The following PTPRD variants were observed in gnomAD, a reference collection of about 807,000 sequenced individuals.
The protein encoded by PTPRD is receptor-type tyrosine-protein phosphatase delta.
In PTPRD, 34 loss-of-function variants were observed where a neutral mutation model predicts 214.5. The ratio of observed to expected loss-of-function variants is 0.16; its 90% CI spans 0.12 to 0.21. The LOEUF (loss-of-function observed/expected upper bound fraction) is 0.21, where lower values mean the gene tolerates loss of function less well. Among genes scored for constraint, PTPRD ranks in the 10% least tolerant of loss-of-function variants. PTPRD has a pLI of 1.00. For missense variants in PTPRD, 2,545 were observed against 2,398.7 expected, an observed-to-expected ratio of 1.06 and a Z score of -1.27; for synonymous variants, 1,128 against 845.7, an observed-to-expected ratio of 1.33 and a Z score of -5.79.
At chr9:8,435,525 T>G (rs2890794) in intron 35 of PTPRD, among the ~76,000 whole-genome samples, 113,919 of 152,038 alleles carry the variant, frequency 0.75, 43,170 homozygotes, top group East Asian at 0.85. Flanking sequence ...TTGGTATATC[T>G]ACAAGATTTT....
chr9:9,234,429 C>T lies in PTPRD; in HGVS notation c.-202-51066G>A, dbSNP rs540842498. Reference sequence around the variant, plus strand: ...CAGGGACTGCTGTGAAGGTCTTTAACATGCCCTGGAGACATTTTCCCCATT... The same window carrying T: ...CAGGGACTGCTGTGAAGGTCTTTAATATGCCCTGGAGACATTTTCCCCATT... On this transcript the variant is annotated intron_variant, in intron 9 of 45. Transcript: ENST00000381196. 2.0e-5 allele frequency among the ~76,000 whole-genome samples: 3 copies of T among 152,270 alleles called. No homozygotes were observed. In the South Asian group the frequency reaches 6.2e-4, roughly 32 times the overall value.
intron 7 of PTPRD, among the ~76,000 whole-genome samples, chr9:9,616,957 G>C (rs189656900): frequency 2.0e-5 from 3 of 152,106 alleles, no homozygotes; most frequent in African/African-American, 7.2e-5. Flanking sequence ...AAATAAACTT[G>C]TTTTCCCTTT....
intron 11 of PTPRD, among the ~76,000 whole-genome samples, chr9:8,845,250 T>C (rs1447041069): frequency 6.6e-6 from 1 of 152,166 alleles, no homozygotes; most frequent in African/African-American, 2.4e-5. Context: ...ACTTATACTT[T>C]TGAAAAAGTT....
chr9:8,971,482 C>T (rs2099238003), intron 11 of PTPRD, among the ~76,000 whole-genome samples: 2 of 151,588 alleles, frequency 1.3e-5, no homozygotes, highest in Non-Finnish European at 3.0e-5. Flanking sequence ...ATGGGAAGGA[C>T]AGTTATGCCT....
At chr9:9,288,434 T>TA (rs1260901513) in intron 9 of PTPRD, among the ~76,000 whole-genome samples, 2 of 151,840 alleles carry the variant, frequency 1.3e-5, no homozygotes, top group Non-Finnish European at 2.9e-5. Flanking sequence ...AATAAATACT[T>TA]AAAAAACACG....
At chr9:10,016,155 T>C (rs975665275) in intron 4 of PTPRD, among the ~76,000 whole-genome samples, 7 of 152,188 alleles carry the variant, frequency 4.6e-5, no homozygotes, top group Non-Finnish European at 8.8e-5. Context: ...TATACAATTT[T>C]GGGAGGTTTG....
intron 33 of PTPRD, among the ~76,000 whole-genome samples, chr9:8,458,125 A>G (rs1476700268): frequency 6.6e-6 from 1 of 152,114 alleles, no homozygotes; most frequent in Non-Finnish European, 1.5e-5. Context: ...TTTCCCAACA[A>G]TTGCATTAGA....
intron 11 of PTPRD, among the ~76,000 whole-genome samples, chr9:8,868,841 C>T (rs1323427002): frequency 6.6e-6 from 1 of 152,112 alleles, no homozygotes; most frequent in African/African-American, 2.4e-5. Flanking sequence ...TCAATCAAAC[C>T]TCCACTGTGT....
chr9:8,949,389 A>G (rs2099089925), intron 11 of PTPRD, among the ~76,000 whole-genome samples: 1 of 152,136 alleles, frequency 6.6e-6, no homozygotes, highest in Non-Finnish European at 1.5e-5. Context: ...ACTTACATGA[A>G]CACAGTGTCA....
At chr9:9,226,253 CA>C (rs2133612339) in intron 9 of PTPRD, among the ~76,000 whole-genome samples, 1 of 151,636 alleles carries the variant, frequency 6.6e-6, no homozygotes, top group Non-Finnish European at 1.5e-5. Flanking sequence ...TTTCTCTGTG[CA>C]AAGGGCAAGA....
chr9:8,758,465 G>A (rs980860494), intron 11 of PTPRD, among the ~76,000 whole-genome samples: 1 of 152,044 alleles, frequency 6.6e-6, no homozygotes, highest in African/African-American at 2.4e-5. Context: ...AAAAAGCTAT[G>A]AGTTTACAGA....
intron 11 of PTPRD, among the ~76,000 whole-genome samples, chr9:8,981,276 G>T (rs906212965): frequency 6.6e-6 from 1 of 151,806 alleles, no homozygotes; most frequent in African/African-American, 2.4e-5. Context: ...TTTATTAGTG[G>T]GATCATAATT....
At chr9:10,511,958 ATATATATACGTGTGTG>A in intron 2 of PTPRD, among the ~76,000 whole-genome samples, 1 of 73,216 alleles carries the variant, frequency 1.4e-5, no homozygotes, top group African/African-American at 4.4e-5. Flanking sequence ...GTGTGTGTAT[ATATATATACGTGTGTG>A]TGTATATATA....
intron 7 of PTPRD, among the ~76,000 whole-genome samples, chr9:9,687,943 C>G (rs2097194781): frequency 6.6e-6 from 1 of 151,806 alleles, no homozygotes; most frequent in Non-Finnish European, 1.5e-5. Flanking sequence ...GTGATTGGAT[C>G]ATGGGGGCAG....
At chr9:9,815,579 C>A (rs915301020) in intron 5 of PTPRD, among the ~76,000 whole-genome samples, 1 of 151,952 alleles carries the variant, frequency 6.6e-6, no homozygotes, top group African/African-American at 2.4e-5. Context: ...TAAAGAAATC[C>A]TACAGACTGG....
At position 8,581,218 on chromosome 9, in the gene PTPRD, T is replaced by C. The variant is rs571576535; in HGVS notation, c.352+52099A>G. Reference sequence around the variant, plus strand: ...TATAAAAAAAAAATCAAACCAAAAATTAAAGAGTTAATATTTCCAGTCATT... The same window carrying C: ...TATAAAAAAAAAATCAAACCAAAAACTAAAGAGTTAATATTTCCAGTCATT... On this transcript the variant is annotated intron_variant, in intron 14 of 45. Transcript: ENST00000381196. Among the ~76,000 whole-genome samples the C allele has an allele frequency of 5.9e-5, 9 of 151,816 alleles. No individual in the cohort carries two copies. The South Asian group carries it at 1.7e-3, about 28-fold the overall frequency.
chr9:8,355,128 C>T (rs915807057), intron 39 of PTPRD, among the ~76,000 whole-genome samples: 8 of 151,888 alleles, frequency 5.3e-5, no homozygotes, highest in African/African-American at 1.5e-4. Flanking sequence ...GGTGCCCTCA[C>T]GGTGGTAATG....
At chr9:10,488,384 A>AG (rs2132546624) in intron 2 of PTPRD, among the ~76,000 whole-genome samples, 1 of 151,390 alleles carries the variant, frequency 6.6e-6, no homozygotes, top group East Asian at 2.0e-4. Context: ...AAAAAAAAAA[A>AG]AAAGACTGCC....
intron 2 of PTPRD, among the ~76,000 whole-genome samples, chr9:10,420,855 A>G (rs1283699745): frequency 6.6e-6 from 1 of 150,806 alleles, no homozygotes; most frequent in Non-Finnish European, 1.5e-5. Flanking sequence ...TTTATTCTTT[A>G]TAAGTTATTG....
Sources: allele counts gnomAD v4.1 joint callset (sites outside exome capture counted in the v4.1 genomes callset), GRCh38; gene constraint gnomAD v4.1.1; transcripts MANE v1.5; gene names NCBI Gene and HGNC (gene_info 2026-07-23, HGNC 2026-07-21).